ABCE1: variants seen among roughly 807,000 people sequenced by gnomAD.
ABCE1 encodes ATP-binding cassette sub-family E member 1.
ABCE1 carries 22 observed loss-of-function variants against 83.4 expected under a neutral mutation model. The ratio of observed to expected loss-of-function variants is 0.26; its 90% CI spans 0.19 to 0.38. ABCE1 has a LOEUF of 0.38. Among genes scored for constraint, ABCE1 ranks in the 10% least tolerant of loss-of-function variants. The probability of loss-of-function intolerance (pLI) is 1.00; values close to 1 mark genes in which losing one functional copy is unlikely to be tolerated. For missense variants in ABCE1, 330 were observed against 721.9 expected (o/e 0.46, Z 6.22); for synonymous variants, 204 against 233.7 (o/e 0.87, Z 1.16).
intron 2 of ABCE1, among the ~76,000 whole-genome samples, chr4:145,104,786 A>G (rs1453661281): frequency 6.6e-6 from 1 of 151,754 alleles, no homozygotes; most frequent in Non-Finnish European, 1.5e-5. Context: ...CAGCTTACTG[A>G]TCTTGAAATC....
intron 9 of ABCE1, 72 bp downstream of exon 9, chr4:145,112,400 C>G (rs981801572): frequency 1.6e-5 from 16 of 1,010,458 alleles, no homozygotes; most frequent in Non-Finnish European, 2.3e-5. Flanking sequence ...GGATTAAACA[C>G]TGGGACTGTC....
chr4:145,106,272 A>G (rs1234108267), intron 3 of ABCE1, among the ~76,000 whole-genome samples: 1 of 152,040 alleles, frequency 6.6e-6, no homozygotes, highest in Non-Finnish European at 1.5e-5. Context: ...GTTTGTAGAT[A>G]TTATAAAAAG....
In ABCE1 at chr4:145,104,531, G is replaced by T. The variant is rs1749245618; in HGVS notation, c.103+16G>T. On this transcript the variant is annotated intron_variant, in intron 2 of 17. Coordinates refer to ENST00000296577, the MANE Select transcript of ABCE1 (RefSeq NM_002940.3). ...GTTCGAATGGGTAAGCTGTTCTGTGGATCATTTAAGTATAAAAGAAAACCA... is the reference window on the plus strand; with the variant it reads ...GTTCGAATGGGTAAGCTGTTCTGTGTATCATTTAAGTATAAAAGAAAACCA... 6.7e-7 allele frequency: 1 copy of T among 1,496,442 alleles called. No individual in the cohort carries two copies. Among genetic ancestry groups the T allele is most frequent in the African/African-American group, 1.4e-5 (1 of 70,986 alleles). The allele number at this position is 1,496,442 out of a possible 1,614,324, so 92.7% of individuals were successfully genotyped here. A position where few individuals can be genotyped will look rare whatever the true frequency, so the allele number is the denominator to read the frequency against.
intron 13 of ABCE1, 47 bp from the exon 14 acceptor site, chr4:145,122,974 C>A: frequency 7.7e-7 from 1 of 1,304,636 alleles, no homozygotes; most frequent in South Asian, 1.4e-5. Flanking sequence ...TAGAAGAGTT[C>A]TATAGTGAAA....
intron 1 of ABCE1, among the ~76,000 whole-genome samples, chr4:145,103,560 T>G (rs1468507309): frequency 6.6e-6 from 1 of 152,240 alleles, no homozygotes; most frequent in Non-Finnish European, 1.5e-5. Flanking sequence ...TTATTTGGTC[T>G]CCTTTTAATT....
chr4:145,112,104 C>A (rs1304411176), intron 8 of ABCE1, 135 bp from the exon 9 acceptor site: 4 of 585,964 alleles, frequency 6.8e-6, no homozygotes, highest in Non-Finnish European at 1.2e-5. Context: ...TACAAGTAGA[C>A]TCTTCATTAC....
In ABCE1 at chr4:145,100,500, G is replaced by A. The variant is rs954253993; in HGVS notation, c.-28+2081G>A. On this transcript the variant is annotated intron_variant, in intron 1 of 17. Coordinates refer to ENST00000296577, the MANE Select transcript of ABCE1 (RefSeq NM_002940.3). Reference sequence around the variant, plus strand: ...CATTATGCTCTTTCACTGAGTAATTGTAGAAAGGCATTCAGTATTTAAATT... The same window carrying A: ...CATTATGCTCTTTCACTGAGTAATTATAGAAAGGCATTCAGTATTTAAATT... Among the ~76,000 whole-genome samples the A allele has an allele frequency of 3.9e-5, 6 of 152,350 alleles. No individual in the cohort carries two copies. In the South Asian group the frequency reaches 1.2e-3, roughly 32 times the overall value.
At chr4:145,117,581 T>C (rs1049361511) in intron 10 of ABCE1, among the ~76,000 whole-genome samples, 167 bp downstream of exon 10, 4 of 151,916 alleles carry the variant, frequency 2.6e-5, no homozygotes, top group Admixed American at 6.6e-5. Flanking sequence ...TCAGTTGTTA[T>C]ACAAAATATA....
At chr4:145,123,418 TATAAC>T in intron 15 of ABCE1, 55 bp from the exon 16 acceptor site, 1 of 1,589,236 alleles carries the variant, frequency 6.3e-7, no homozygotes, top group Non-Finnish European at 8.6e-7. Context: ...GTGTGCTTAA[TATAAC>T]AGTCGAATGT....
At chr4:145,108,197 G>A in intron 4 of ABCE1, 85 bp downstream of exon 4, 1 of 1,210,246 alleles carries the variant, frequency 8.3e-7, no homozygotes, top group South Asian at 1.3e-5. Context: ...GAAATTGGGG[G>A]GAAATGCTAT....
chr4:145,111,567 TC>T (rs1256648083), intron 8 of ABCE1, among the ~76,000 whole-genome samples: 1 of 152,082 alleles, frequency 6.6e-6, no homozygotes, highest in Non-Finnish European at 1.5e-5. Flanking sequence ...ACCTCAATGA[TC>T]CACCCACCTC....
intron 9 of ABCE1, among the ~76,000 whole-genome samples, chr4:145,113,563 A>C (rs1749535746): frequency 6.6e-6 from 1 of 152,194 alleles, no homozygotes; most frequent in African/African-American, 2.4e-5. Flanking sequence ...ATTGTAAATT[A>C]TAAAATTTAT....
At chr4:145,122,899 G>A in intron 13 of ABCE1, 122 bp from the exon 14 acceptor site, 1 of 631,064 alleles carries the variant, frequency 1.6e-6, no homozygotes, top group East Asian at 2.9e-5. Context: ...GATACACATT[G>A]ATATCTGTTG....
At chr4:145,104,201 A>G (rs17725516) in intron 1 of ABCE1, among the ~76,000 whole-genome samples, 185 bp from the exon 2 acceptor site, 41,495 of 151,222 alleles carry the variant, frequency 0.27, 7,117 homozygotes, top group Non-Finnish European at 0.38. Flanking sequence ...GTAAAATTTG[A>G]TTTTCCCAAC....
At chr4:145,110,291 A>G in intron 6 of ABCE1, 51 bp downstream of exon 6, 1 of 1,598,626 alleles carries the variant, frequency 6.3e-7, no homozygotes, top group Admixed American at 1.8e-5. Context: ...AGTATAAAAG[A>G]TATATCAAAA....
chr4:145,127,448 A>G, intron 17 of ABCE1, 78 bp from the exon 18 acceptor site: 3 of 1,275,238 alleles, frequency 2.4e-6, no homozygotes, highest in Non-Finnish European at 3.3e-6. Context: ...CAGCTAAGTA[A>G]TACCATGAGT....
At position 145,105,625 on chromosome 4, in the gene ABCE1, A is replaced by G; in HGVS notation, c.124A>G (p.Thr42Ala). 1 of 1,605,594 alleles carries G rather than the reference A, an allele frequency of 6.2e-7. No homozygotes were observed. The highest frequency in any genetic ancestry group is 8.5e-7 in the Non-Finnish European group (1 of 1,174,282). ...ACCAGGAAAATTATGCATAGAGGTTACACCCCAGAGCAAAATAGCATGGAT... is the reference window on the plus strand; with the variant it reads ...ACCAGGAAAATTATGCATAGAGGTTGCACCCCAGAGCAAAATAGCATGGAT... Reference protein sequence around the residue: ...VRMGKLCIEVTPQSKIAWISE... With the variant: ...VRMGKLCIEVAPQSKIAWISE... Residue 42 changes from threonine (T) to alanine (A), a missense_variant, in exon 3 of 18, where the codon ACA (threonine) becomes GCA (alanine). By Grantham distance (58) the Thr-to-Ala change is moderately conservative. Coordinates refer to ENST00000296577, the MANE Select transcript of ABCE1 (RefSeq NM_002940.3).
At chr4:145,122,958 C>A in intron 13 of ABCE1, 63 bp from the exon 14 acceptor site, 2 of 1,156,510 alleles carry the variant, frequency 1.7e-6, no homozygotes, top group East Asian at 2.6e-5. Flanking sequence ...TGTCAAGATT[C>A]ATAAATAGAA....
chr4:145,113,103 G>A (rs1164700386), intron 9 of ABCE1, among the ~76,000 whole-genome samples: 1 of 152,178 alleles, frequency 6.6e-6, no homozygotes, highest in Admixed American at 6.5e-5. Flanking sequence ...CTATAGAGGA[G>A]TAATAGGACC....
Sources: allele counts gnomAD v4.1 joint callset (sites outside exome capture counted in the v4.1 genomes callset), GRCh38; gene constraint gnomAD v4.1.1; transcripts MANE v1.5; gene names NCBI Gene and HGNC (gene_info 2026-07-23, HGNC 2026-07-21).